The following GSN variants were observed in gnomAD, a reference collection of about 807,000 sequenced individuals.
GSN encodes the protein actin-depolymerizing factor.
In GSN, 56 loss-of-function variants were observed where a neutral mutation model predicts 85.7. The ratio of observed to expected loss-of-function variants is 0.65; its 90% confidence interval spans 0.53 to 0.82. GSN has a LOEUF of 0.82. GSN is among the 40% of genes least tolerant of loss of function. The pLI, the probability that GSN is intolerant of heterozygous loss-of-function variation, is 0.00. For synonymous variants in GSN, 373 were observed against 399.1 expected, an observed-to-expected ratio of 0.93 and a Z score of 0.78; for missense variants, 857 against 979.8, an observed-to-expected ratio of 0.87 and a Z score of 1.67.
chr9:121,275,941 A>G lies in GSN; in HGVS notation c.-102-5529A>G, dbSNP rs183323915. Among the ~76,000 whole-genome samples the G allele has an allele frequency of 7.7e-4, 117 of 152,344 alleles. 2 individuals are homozygous for G. The highest frequency in any genetic ancestry group is 1.4e-3 in the Admixed American group (21 of 15,306). On this transcript the variant is annotated intron_variant, in intron 1 of 17. Transcript: ENST00000432226. ...TGGCCCTTGGAATGTTTGGGGCATA[A>G]TTATACCAAGACATCTTATTGTCTT...
Position 121,299,921 on chromosome 9 carries a change from G to T in GSN, c.-9-2042G>T, listed in dbSNP as rs1366028331. On this transcript the variant is annotated intron_variant, in intron 2 of 17. Coordinates refer to ENST00000432226, the MANE Select transcript of GSN (RefSeq NM_198252.3). The surrounding 1 kb of genome is among the most constrained non-coding windows in gnomAD (Gnocchi z 4.2). ...GCGCGCTGTCCCTGGCGCTGTGCGC[G>T]CTGTCGCTGCCCGTCCGCGCGGCCA... is the stretch of plus-strand genomic sequence containing the variant. The T allele has an allele frequency of 7.9e-7, 1 of 1,261,132 alleles. No individual in the cohort carries two copies. The highest frequency in any genetic ancestry group is 3.4e-5 in the South Asian group (1 of 29,242). The allele number at this position is 1,261,132 out of a possible 1,614,324, so 78.1% of individuals were successfully genotyped here. A position where few individuals can be genotyped will look rare whatever the true frequency, so the allele number is the denominator to read the frequency against.
chr9:121,242,397 G>C (rs2054621336), intron 5 of GSN, among the ~76,000 whole-genome samples: 1 of 152,036 alleles, frequency 6.6e-6, no homozygotes, highest in African/African-American at 2.4e-5. Context: ...TTCATCATAA[G>C]GCCTCATTTA....
chr9:121,299,380 G>A lies in GSN; in HGVS notation c.-9-2583G>A. 1 of 973,246 alleles carries A rather than the reference G, an allele frequency of 1.0e-6. No homozygotes were observed. The highest frequency in any genetic ancestry group is 1.2e-6 in the Non-Finnish European group (1 of 818,766). 60.3% of individuals were successfully genotyped at this position (973,246 alleles called of 1,614,324 possible). A position where few individuals can be genotyped will look rare whatever the true frequency, so the allele number is the denominator to read the frequency against. On this transcript the variant is annotated intron_variant, in intron 2 of 17. Transcript: ENST00000432226. This position sits in a 1 kb window ranked among gnomAD's most constrained non-coding sequence, Gnocchi z 4.2. ...CGGCAGCACCATTTACAAGCTGTGT[G>A]CAAGTTGCTTCACCACTCTGCGCTG... is the stretch of plus-strand genomic sequence containing the variant.
chr9:121,228,236 C>A (rs1007794218), intron 4 of GSN, among the ~76,000 whole-genome samples: 1 of 151,678 alleles, frequency 6.6e-6, no homozygotes, highest in Non-Finnish European at 1.5e-5. Context: ...CCCTGCACAC[C>A]CGAGGTGCTG....
At chr9:121,301,038 G>T (rs373513428) in intron 2 of GSN, among the ~76,000 whole-genome samples, 127 of 152,314 alleles carry the variant, frequency 8.3e-4, no homozygotes, top group African/African-American at 3.0e-3. Context: ...GTGACCTTCG[G>T]TCAGTCCCCT....
At chr9:121,256,672 G>C (rs2054968103) in intron 6 of GSN, among the ~76,000 whole-genome samples, 1 of 152,196 alleles carries the variant, frequency 6.6e-6, no homozygotes, top group Non-Finnish European at 1.5e-5. Flanking sequence ...GAGGTCAGGA[G>C]TTCGAGACCA....
intron 4 of GSN, among the ~76,000 whole-genome samples, chr9:121,230,129 G>C (rs2054358440): frequency 6.6e-6 from 1 of 152,162 alleles, no homozygotes; most frequent in Admixed American, 6.5e-5. Flanking sequence ...TGAGCTGCTT[G>C]TTTGAGCTGG....
upstream of GSN, among the ~76,000 whole-genome samples, chr9:121,266,005 T>C (rs573641991): frequency 1.3e-5 from 2 of 152,286 alleles, no homozygotes; most frequent in East Asian, 3.9e-4. Flanking sequence ...ATCACAATCA[T>C]CATCAATCAA....
At chr9:121,264,830 G>A (rs1245346009), upstream of GSN, among the ~76,000 whole-genome samples, 2 of 152,134 alleles carry the variant, frequency 1.3e-5, no homozygotes, top group East Asian at 1.9e-4. Context: ...CCTGTCACTC[G>A]GGCCAGAGTT....
intron 2 of GSN, chr9:121,286,113 A>G (rs1271284385): frequency 1.6e-5 from 24 of 1,535,400 alleles, no homozygotes; most frequent in Non-Finnish European, 1.9e-5. Flanking sequence ...CTGTGTCAGG[A>G]GAGGCCCACA....
At chr9:121,220,965 C>T (rs1357048846) in intron 4 of GSN, among the ~76,000 whole-genome samples, 2 of 152,130 alleles carry the variant, frequency 1.3e-5, no homozygotes, top group Non-Finnish European at 2.9e-5. Context: ...TGGTGTGATT[C>T]GTTTGTTGAA....
At chr9:121,316,953 T>A in intron 7 of GSN, 133 bp from the exon 8 acceptor site, 1 of 1,085,806 alleles carries the variant, frequency 9.2e-7, no homozygotes, top group South Asian at 1.3e-5. Context: ...AACCTCTAAA[T>A]GTGTGCGAGA....
intron 6 of GSN, among the ~76,000 whole-genome samples, chr9:121,259,767 G>A (rs543224361): frequency 6.6e-6 from 1 of 152,354 alleles, no homozygotes; most frequent in South Asian, 2.1e-4. Flanking sequence ...TGGGTCTCAT[G>A]AAGCCAGACT....
At chr9:121,219,257 G>C (rs1215586990) in intron 4 of GSN, among the ~76,000 whole-genome samples, 2 of 148,296 alleles carry the variant, frequency 1.3e-5, no homozygotes, top group Non-Finnish European at 1.5e-5. Flanking sequence ...TCAAGTTAGG[G>C]GATTTTTTTT....
At chr9:121,217,836 A>AT (rs2054096285) in intron 4 of GSN, among the ~76,000 whole-genome samples, 5 of 148,340 alleles carry the variant, frequency 3.4e-5, no homozygotes, top group African/African-American at 7.4e-5. Context: ...TATTATTATT[A>AT]TAACCTCAAA....
At chr9:121,288,436 G>A (rs2058364224) in intron 2 of GSN, among the ~76,000 whole-genome samples, 1 of 152,148 alleles carries the variant, frequency 6.6e-6, no homozygotes, top group South Asian at 2.1e-4. Context: ...CAGGGCACAG[G>A]ACATAACACA....
rs774422685 is a variant in GSN at position 121,312,494 on chromosome 9, T to C, written c.663+6T>C. On this transcript the variant is annotated splice_donor_region_variant and intron_variant, in intron 6 of 17. Transcript: ENST00000432226. ...AGCCCGAGGCGATGCTCCAGGTGCC[T>C]GTGGGGTGCGCAATGGGGTGGCCAT... is the stretch of plus-strand genomic sequence containing the variant. 15 of 1,602,836 alleles carry C rather than the reference T, an allele frequency of 9.4e-6. No individual in the cohort carries two copies. The highest frequency in any genetic ancestry group is 1.7e-5 in the Admixed American group (1 of 59,674).
At chr9:121,205,849 G>T (rs1268131697), upstream of GSN, among the ~76,000 whole-genome samples, 1 of 152,016 alleles carries the variant, frequency 6.6e-6, no homozygotes, top group Non-Finnish European at 1.5e-5. Flanking sequence ...AACAATTAAA[G>T]TCATTTTCAG....
At chr9:121,275,578 C>T (rs904303248) in intron 1 of GSN, among the ~76,000 whole-genome samples, 5 of 152,098 alleles carry the variant, frequency 3.3e-5, no homozygotes, top group Non-Finnish European at 7.4e-5. Context: ...GTAAAACAGG[C>T]TTTTGTGGGC....
Sources: allele counts gnomAD v4.1 joint callset (sites outside exome capture counted in the v4.1 genomes callset), GRCh38; gene constraint gnomAD v4.1.1; non-coding constraint Gnocchi (gnomAD v3.1); transcripts MANE v1.5; gene names NCBI Gene and HGNC (gene_info 2026-07-23, HGNC 2026-07-21).